Variants in RAB3C observed in about 807,000 individuals in gnomAD.
RAB3C encodes RAB3C, member RAS oncogene family.
A neutral mutation model predicts 26.4 loss-of-function variants in RAB3C; 17 were observed. The observed-to-expected ratio is 0.64, with a 90% confidence interval of 0.44 to 0.97. The LOEUF is 0.97. Among genes scored for constraint, RAB3C ranks in the 50% least tolerant of loss-of-function variants. RAB3C has a pLI of 0.00. For synonymous variants in RAB3C, 91 were observed against 95.9 expected, an observed-to-expected ratio of 0.95 and a Z score of 0.30; for missense variants, 242 against 281.9, an observed-to-expected ratio of 0.86 and a Z score of 1.01.
chr5:58,705,249 A>T (rs1748921352), intron 2 of RAB3C, among the ~76,000 whole-genome samples: 1 of 152,128 alleles, frequency 6.6e-6, no homozygotes, highest in African/African-American at 2.4e-5. Context: ...GTATTTTTTA[A>T]GTTCGTATTT....
At chr5:58,827,853 A>T (rs939910381) in intron 4 of RAB3C, among the ~76,000 whole-genome samples, 5 of 152,218 alleles carry the variant, frequency 3.3e-5, no homozygotes, top group Non-Finnish European at 7.3e-5. Context: ...CACAATTTAA[A>T]TTTAAAGATT....
At chr5:58,823,440 C>CTTGAGCCCAGGAGGTCGAGGCTGCAG (rs1743394087) in intron 3 of RAB3C, 1 of 158,142 alleles carries the variant, frequency 6.3e-6, no homozygotes, top group African/African-American at 2.4e-5. Context: ...GGGACGATTG[C>CTTGAGCCCAGGAGGTCGAGGCTGCAG]TTGAGCCCAG....
intron 2 of RAB3C, among the ~76,000 whole-genome samples, chr5:58,698,060 A>G (rs1330679604): frequency 6.6e-6 from 1 of 152,110 alleles, no homozygotes; most frequent in Admixed American, 6.5e-5. Context: ...GGCTGGTACC[A>G]GTTGTTTCCT....
intron 3 of RAB3C, chr5:58,788,406 T>C (rs1161942556): frequency 6.6e-6 from 1 of 152,252 alleles, no homozygotes; most frequent in Non-Finnish European, 1.5e-5. Flanking sequence ...CATCTCATCC[T>C]CAAATGAGAA....
At chr5:58,687,450 TGTG>T (rs1163135533) in intron 2 of RAB3C, among the ~76,000 whole-genome samples, 1 of 152,076 alleles carries the variant, frequency 6.6e-6, no homozygotes, top group Non-Finnish European at 1.5e-5. Context: ...GGTAACTAAT[TGTG>T]GACTAAAAAC....
intron 1 of RAB3C, among the ~76,000 whole-genome samples, chr5:58,608,875 C>A (rs1352491746): frequency 1.3e-5 from 2 of 152,114 alleles, no homozygotes; most frequent in East Asian, 3.9e-4. Flanking sequence ...AGGATGAGTT[C>A]ATATCCTTTG....
intron 2 of RAB3C, among the ~76,000 whole-genome samples, chr5:58,719,175 T>G (rs2111909673): frequency 6.6e-6 from 1 of 152,152 alleles, no homozygotes; most frequent in Non-Finnish European, 1.5e-5. Flanking sequence ...AATATATATT[T>G]TTTGTCATAT....
At chr5:58,616,428 A>G (rs1746826790) in intron 1 of RAB3C, among the ~76,000 whole-genome samples, 3 of 152,156 alleles carry the variant, frequency 2.0e-5, no homozygotes, top group African/African-American at 4.8e-5. Flanking sequence ...TGCTGAGCAA[A>G]TGTACTAATC....
intron 2 of RAB3C, among the ~76,000 whole-genome samples, chr5:58,678,517 A>G (rs1224777989): frequency 6.6e-6 from 1 of 152,176 alleles, no homozygotes; most frequent in African/African-American, 2.4e-5. Flanking sequence ...AAAAAAATAT[A>G]TCAAGAGTTT....
rs562714422 is a variant in RAB3C, at chr5:58,635,997, G to A, written c.252+18127G>A. 2.2e-4 allele frequency among the ~76,000 whole-genome samples: 34 copies of A among 152,274 alleles called. No homozygotes were observed. The South Asian group carries it at 5.8e-3, about 26-fold the overall frequency. ...TTAAAAATAAAATGCTGTCAAATTA[G>A]GAAAGTTAAAGAACGGGCCAAAGAG... On this transcript the variant is annotated intron_variant, in intron 2 of 4. Transcript: ENST00000282878.
rs61293838 is a variant in RAB3C, at chr5:58,842,990, A to G, written c.497-8174A>G. Among the ~76,000 whole-genome samples the G allele has an allele frequency of 4.5e-3, 684 of 152,324 alleles. 4 individuals carry two copies. The highest frequency in any genetic ancestry group is 0.016 in the African/African-American group (650 of 41,574). On this transcript the variant is annotated intron_variant, in intron 4 of 4. Coordinates refer to ENST00000282878, the MANE Select transcript of RAB3C (RefSeq NM_138453.4). ...AGAAGATGGACATTAGGGATGTACA[A>G]AGGTTAAGAGTGTGGACTTTAGAGT... is the stretch of plus-strand genomic sequence containing the variant.
intron 2 of RAB3C, among the ~76,000 whole-genome samples, chr5:58,705,464 T>C (rs1036217647): frequency 1.3e-5 from 2 of 152,148 alleles, no homozygotes; most frequent in African/African-American, 4.8e-5. Context: ...TCTTAAAAAA[T>C]TTTGATGACA....
intron 2 of RAB3C, among the ~76,000 whole-genome samples, chr5:58,719,498 T>G (rs1033163114): frequency 2.0e-5 from 3 of 151,972 alleles, no homozygotes; most frequent in African/African-American, 7.2e-5. Context: ...TCATGAAGAT[T>G]GCAAAGTGGG....
chr5:58,707,032 G>T (rs1748955864), intron 2 of RAB3C, among the ~76,000 whole-genome samples: 1 of 152,130 alleles, frequency 6.6e-6, no homozygotes. Flanking sequence ...ATTGAAGTGG[G>T]TCCTCTGGCA....
chr5:58,835,335 G>T (rs1187410439), intron 4 of RAB3C, among the ~76,000 whole-genome samples: 1 of 152,018 alleles, frequency 6.6e-6, no homozygotes, highest in East Asian at 1.9e-4. Context: ...TACTAATCCA[G>T]ATCTTACCAA....
chr5:58,730,894 G>C (rs1474333002), intron 3 of RAB3C, among the ~76,000 whole-genome samples: 1 of 152,096 alleles, frequency 6.6e-6, no homozygotes, highest in Non-Finnish European at 1.5e-5. Flanking sequence ...TGGCCAGGGA[G>C]GCCTCACAGT....
In RAB3C at chr5:58,693,347, T is replaced by TATATATATATATATATATATATATAC. The variant is rs1173401450; in HGVS notation, c.253-32640_253-32639insTATATATATACATATATATATATATA. ...TTATATATATATGTGTATATATATA[T>TATATATATATATATATATATATATAC]ATATATATATATATAAAATTTCTTA... On this transcript the variant is annotated intron_variant, in intron 2 of 4. Coordinates refer to ENST00000282878, the MANE Select transcript of RAB3C (RefSeq NM_138453.4). Among the ~76,000 whole-genome samples the TATATATATATATATATATATATATAC allele has an allele frequency of 1.6e-3, 215 of 137,798 alleles. 11 individuals are homozygous for TATATATATATATATATATATATATAC. The highest frequency in any genetic ancestry group is 5.7e-3 in the African/African-American group (191 of 33,678). 90.4% of individuals were successfully genotyped at this position (137,798 alleles called of 152,430 possible). A position where few individuals can be genotyped will look rare whatever the true frequency, so the allele number is the denominator to read the frequency against.
At chr5:58,799,395 T>C (rs4700309) in intron 3 of RAB3C, among the ~76,000 whole-genome samples, 61,941 of 151,746 alleles carry the variant, frequency 0.41, 13,091 homozygotes, top group East Asian at 0.66. Flanking sequence ...GGTAGTATTA[T>C]TGGTCCTACT....
intron 2 of RAB3C, among the ~76,000 whole-genome samples, chr5:58,679,213 G>T (rs1452825716): frequency 6.6e-6 from 1 of 152,188 alleles, no homozygotes; most frequent in African/African-American, 2.4e-5. Flanking sequence ...GAAGGAGAGA[G>T]ATTGAGGGTT....
Sources: allele counts gnomAD v4.1 joint callset (sites outside exome capture counted in the v4.1 genomes callset), GRCh38; gene constraint gnomAD v4.1.1; transcripts MANE v1.5; gene names NCBI Gene and HGNC (gene_info 2026-07-23, HGNC 2026-07-21).